MACROD2: variants seen among roughly 807,000 people sequenced by gnomAD.
The protein encoded by MACROD2 is mono-ADP ribosylhydrolase 2, also known as ADP-ribose glycohydrolase MACROD2.
Under a neutral mutation model 70.4 loss-of-function variants are expected in MACROD2, and 36 were observed. That is an observed-to-expected ratio of 0.51 (90% CI 0.39 to 0.68). MACROD2 has a LOEUF of 0.68. Ranked by LOEUF, MACROD2 falls within the 30% of genes least tolerant of loss-of-function variation. The pLI is 0.00. For missense variants in MACROD2, 496 were observed against 538.4 expected (o/e 0.92, Z 0.78); for synonymous variants, 172 against 178.8 (o/e 0.96, Z 0.30).
intron 2 of MACROD2, among the ~76,000 whole-genome samples, chr20:14,010,081 A>G (rs984988138): frequency 6.6e-6 from 1 of 152,110 alleles, no homozygotes; most frequent in Non-Finnish European, 1.5e-5. Flanking sequence ...GCACACGTTT[A>G]TTTGTCTAAC....
rs374499039 is a variant in MACROD2 at position 15,785,891 on chromosome 20, T to C, written c.646-76854T>C. On this transcript the variant is annotated intron_variant, in intron 8 of 17. Transcript: ENST00000684519. ...TAAAAGCAAAATTAAGGGATATTAA[T>C]ATAAAGCAGATGGACATCATATATC... Among the ~76,000 whole-genome samples, 10 of 152,160 alleles carry C rather than the reference T, an allele frequency of 6.6e-5. No homozygotes were observed. The East Asian group carries it at 1.3e-3, about 21-fold the overall frequency.
chr20:14,245,231 C>T (rs1391958336), intron 3 of MACROD2, among the ~76,000 whole-genome samples: 3 of 151,874 alleles, frequency 2.0e-5, no homozygotes, highest in Admixed American at 6.6e-5. Flanking sequence ...GGCGTGGTGG[C>T]GGGCACCTGT....
chr20:15,338,398 C>G (rs1349054294), intron 6 of MACROD2, among the ~76,000 whole-genome samples: 2 of 151,628 alleles, frequency 1.3e-5, no homozygotes, highest in African/African-American at 4.9e-5. Context: ...GCCTCCACTT[C>G]AAAGTGCCCT....
At chr20:15,598,235 C>A (rs2048772034) in intron 8 of MACROD2, among the ~76,000 whole-genome samples, 1 of 152,156 alleles carries the variant, frequency 6.6e-6, no homozygotes, top group Admixed American at 6.5e-5. Flanking sequence ...AATCAACATT[C>A]TAAATTTTGT....
At chr20:14,295,564 G>GT (rs1474055176) in intron 3 of MACROD2, among the ~76,000 whole-genome samples, 1 of 151,484 alleles carries the variant, frequency 6.6e-6, no homozygotes, top group East Asian at 1.9e-4. Context: ...AGGGGACTGT[G>GT]TGGGGGGGCT....
intron 8 of MACROD2, among the ~76,000 whole-genome samples, chr20:15,572,624 T>C (rs1468833729): frequency 6.6e-6 from 1 of 152,128 alleles, no homozygotes; most frequent in Admixed American, 6.6e-5. Flanking sequence ...TATTTTGATA[T>C]ACCTTTAAAT....
intron 15 of MACROD2, among the ~76,000 whole-genome samples, chr20:16,036,134 T>C (rs1345438854): frequency 6.6e-6 from 1 of 152,014 alleles, no homozygotes; most frequent in Non-Finnish European, 1.5e-5. Flanking sequence ...TTTAATTCAA[T>C]ACAATTGAAT....
At chr20:15,946,571 A>G (rs867383063) in intron 12 of MACROD2, among the ~76,000 whole-genome samples, 8 of 152,054 alleles carry the variant, frequency 5.3e-5, no homozygotes, top group Middle Eastern at 6.8e-3. Context: ...TATTGTATCA[A>G]TATTAGTTAT....
chr20:15,894,859 G>A (rs1250923768), intron 10 of MACROD2, among the ~76,000 whole-genome samples: 1 of 152,206 alleles, frequency 6.6e-6, no homozygotes, highest in East Asian at 1.9e-4. Context: ...ATTCACCCAA[G>A]ATGTTAAGCT....
chr20:14,869,284 CT>C (rs1294910395), intron 5 of MACROD2, among the ~76,000 whole-genome samples: 1 of 152,100 alleles, frequency 6.6e-6, no homozygotes, highest in Non-Finnish European at 1.5e-5. Context: ...GAAGAACATT[CT>C]TTTGTATCCG....
At chr20:14,740,848 A>G (rs1406832169) in intron 5 of MACROD2, among the ~76,000 whole-genome samples, 1 of 152,162 alleles carries the variant, frequency 6.6e-6, no homozygotes, top group African/African-American at 2.4e-5. Flanking sequence ...GTTTTCTGCC[A>G]TCTTGGCCCT....
intron 3 of MACROD2, among the ~76,000 whole-genome samples, chr20:14,270,952 A>C (rs2082188685): frequency 6.6e-6 from 1 of 152,210 alleles, no homozygotes; most frequent in Non-Finnish European, 1.5e-5. Flanking sequence ...AGCGCCCGCC[A>C]TTGCCCAGGC....
At chr20:14,984,011 G>A (rs436699) in intron 5 of MACROD2, among the ~76,000 whole-genome samples, 3,217 of 152,222 alleles carry the variant, frequency 0.021, 67 homozygotes, top group Admixed American at 0.047. Context: ...CTTGGTTCAG[G>A]GGGACTCCCT....
intron 5 of MACROD2, among the ~76,000 whole-genome samples, chr20:14,874,971 C>A (rs2073533184): frequency 6.6e-6 from 1 of 151,884 alleles, no homozygotes; most frequent in African/African-American, 2.4e-5. Context: ...TCCCAAAGTG[C>A]TGGGATTGCA....
intron 6 of MACROD2, among the ~76,000 whole-genome samples, chr20:15,323,626 C>T (rs916952412): frequency 6.6e-6 from 1 of 152,128 alleles, no homozygotes; most frequent in Non-Finnish European, 1.5e-5. Flanking sequence ...TAGTTGTCCC[C>T]CTTAGCTTTT....
chr20:15,067,631 T>G (rs896389948), intron 5 of MACROD2, among the ~76,000 whole-genome samples: 2 of 152,170 alleles, frequency 1.3e-5, no homozygotes, highest in African/African-American at 4.8e-5. Context: ...ATTACAGGTG[T>G]GAGCCACCAT....
At chr20:14,394,660 G>T (rs2083562955) in intron 3 of MACROD2, among the ~76,000 whole-genome samples, 2 of 152,102 alleles carry the variant, frequency 1.3e-5, no homozygotes, top group South Asian at 4.1e-4. Flanking sequence ...AGACATCCTT[G>T]CCTTGTTCCT....
Position 14,072,538 on chromosome 20 carries a change from T to C in MACROD2, c.164-13083T>C, listed in dbSNP as rs569857198. Among the ~76,000 whole-genome samples, 3 of 152,322 alleles carry C rather than the reference T, an allele frequency of 2.0e-5. No individual in the cohort carries two copies. In the East Asian group the frequency reaches 5.8e-4, roughly 29 times the overall value. ...TTGGTCAAACCACTTCATTTCTGTATGGCTCAGCTTCATTTTACTTATTGA... is the reference window on the plus strand; with the variant it reads ...TTGGTCAAACCACTTCATTTCTGTACGGCTCAGCTTCATTTTACTTATTGA... On this transcript the variant is annotated intron_variant, in intron 2 of 17. Coordinates refer to ENST00000684519, the MANE Select transcript of MACROD2 (RefSeq NM_001351661.2).
intron 5 of MACROD2, among the ~76,000 whole-genome samples, chr20:15,039,218 T>C (rs1227846228): frequency 6.6e-6 from 1 of 152,046 alleles, no homozygotes. Context: ...AGGGTATAAT[T>C]TGATGTTAAT....
Sources: allele counts gnomAD v4.1 joint callset (sites outside exome capture counted in the v4.1 genomes callset), GRCh38; gene constraint gnomAD v4.1.1; transcripts MANE v1.5; gene names NCBI Gene and HGNC (gene_info 2026-07-23, HGNC 2026-07-21).